The following NKAIN3 variants were observed in gnomAD, a reference collection of about 807,000 sequenced individuals.
NKAIN3 encodes sodium/potassium transporting ATPase interacting 3.
Under a neutral mutation model 30.2 loss-of-function variants are expected in NKAIN3, and 25 were observed. The ratio of observed to expected loss-of-function variants is 0.83; its 90% confidence interval spans 0.60 to 1.16. The LOEUF is 1.16. Ranked by LOEUF, NKAIN3 falls within the 50% of genes most tolerant of loss-of-function variation. NKAIN3 has a pLI of 0.00. For synonymous variants in NKAIN3, 91 were observed against 89.6 expected (o/e 1.02, Z -0.09); for missense variants, 225 against 254.1 (o/e 0.89, Z 0.78).
At chr8:62,747,502 CCA>C (rs1231564358) in intron 4 of NKAIN3, among the ~76,000 whole-genome samples, 1 of 152,160 alleles carries the variant, frequency 6.6e-6, no homozygotes, top group Non-Finnish European at 1.5e-5. Context: ...ATGGAAACAC[CCA>C]CAGCCAATGG....
intron 1 of NKAIN3, among the ~76,000 whole-genome samples, chr8:62,434,680 C>T (rs1419300443): frequency 2.0e-5 from 3 of 152,044 alleles, no homozygotes; most frequent in Non-Finnish European, 4.4e-5. Context: ...AAAGGAGATG[C>T]CACTGTATTA....
intron 1 of NKAIN3, among the ~76,000 whole-genome samples, chr8:62,527,916 TGACAGA>T (rs1471686334): frequency 1.4e-4 from 20 of 145,746 alleles, no homozygotes; most frequent in African/African-American, 5.0e-4. Context: ...TGTGTGTGTG[TGACAGA>T]GAGACAGAGA....
chr8:62,582,092 CTTCT>C (rs775887474), intron 2 of NKAIN3, among the ~76,000 whole-genome samples: 23 of 147,632 alleles, frequency 1.6e-4, no homozygotes, highest in Non-Finnish European at 2.4e-4. Flanking sequence ...TCCCTCCCTC[CTTCT>C]GTCTTTCCTT....
intron 3 of NKAIN3, among the ~76,000 whole-genome samples, chr8:62,592,613 A>G (rs1192027148): frequency 1.3e-5 from 2 of 152,066 alleles, no homozygotes; most frequent in Non-Finnish European, 2.9e-5. Context: ...GTCAATGACT[A>G]TATGAAATGT....
chr8:62,318,211 A>G (rs1427803923), intron 1 of NKAIN3, among the ~76,000 whole-genome samples: 2 of 152,188 alleles, frequency 1.3e-5, no homozygotes, highest in Admixed American at 1.3e-4. Flanking sequence ...ATATGCAATC[A>G]TGTCATCTGC....
downstream of NKAIN3, among the ~76,000 whole-genome samples, chr8:62,988,103 A>T (rs1824241014): frequency 1.3e-5 from 2 of 152,226 alleles, no homozygotes; most frequent in South Asian, 4.1e-4. Flanking sequence ...TCTCACGTCC[A>T]GGTCACAGTG....
intron 1 of NKAIN3, among the ~76,000 whole-genome samples, chr8:62,462,504 G>T (rs139630784): frequency 6.6e-6 from 1 of 152,018 alleles, no homozygotes; most frequent in East Asian, 1.9e-4. Flanking sequence ...CAGTACTCTG[G>T]GCAAAGTCCC....
At chr8:62,945,740 C>T (rs975332692) in intron 5 of NKAIN3, among the ~76,000 whole-genome samples, 3 of 152,144 alleles carry the variant, frequency 2.0e-5, no homozygotes, top group African/African-American at 7.2e-5. Context: ...CTTATTGCCG[C>T]CCTTCTCACT....
chr8:62,589,082 A>G (rs892751230), intron 2 of NKAIN3, among the ~76,000 whole-genome samples: 1 of 151,886 alleles, frequency 6.6e-6, no homozygotes, highest in African/African-American at 2.4e-5. Context: ...AGTAGGTTTA[A>G]AATTTGTTGG....
intron 4 of NKAIN3, among the ~76,000 whole-genome samples, chr8:62,760,543 A>G (rs1260176669): frequency 2.0e-5 from 3 of 150,542 alleles, no homozygotes; most frequent in South Asian, 2.1e-4. Context: ...ACCAAACACC[A>G]CATGTTCTCA....
At position 62,816,502 on chromosome 8, in the gene NKAIN3, C is replaced by T. The variant is rs915975370; in HGVS notation, c.471+69373C>T. Among the ~76,000 whole-genome samples the T allele has an allele frequency of 2.6e-5, 4 of 152,150 alleles. No individual in the cohort carries two copies. In the South Asian group the frequency reaches 8.3e-4, roughly 31 times the overall value. On this transcript the variant is annotated intron_variant, in intron 4 of 6. Coordinates refer to ENST00000623646, the MANE Select transcript of NKAIN3 (RefSeq NM_001304533.3). ...TTCTCAGGCTACTGGGAGGTATATA[C>T]ATTGGCAGTTCTACCTCTGGAGGCA...
At chr8:62,783,770 G>T (rs1436253141) in intron 4 of NKAIN3, among the ~76,000 whole-genome samples, 1 of 151,922 alleles carries the variant, frequency 6.6e-6, no homozygotes, top group Non-Finnish European at 1.5e-5. Context: ...CTCCAGCCAT[G>T]TGCCACCACA....
At chr8:62,499,329 G>A (rs1258395178) in intron 1 of NKAIN3, among the ~76,000 whole-genome samples, 2 of 151,910 alleles carry the variant, frequency 1.3e-5, no homozygotes, top group East Asian at 1.9e-4. Context: ...AACCAACTTC[G>A]CAGTACTCAT....
chr8:62,798,235 C>A lies in NKAIN3; in HGVS notation c.471+51106C>A, dbSNP rs150127642. 5.3e-3 allele frequency among the ~76,000 whole-genome samples: 808 copies of A among 152,202 alleles called. 3 individuals carry two copies. Among genetic ancestry groups the A allele is most frequent in the African/African-American group, 0.018 (747 of 41,524 alleles). ...CTATCAGATCTGTAAAGCTATGCAT[C>A]TCCTGTTGGGTTGCCGATATTTAAT... On this transcript the variant is annotated intron_variant, in intron 4 of 6. Transcript: ENST00000623646.
chr8:62,512,129 C>A (rs1317094503), intron 1 of NKAIN3, among the ~76,000 whole-genome samples: 1 of 152,056 alleles, frequency 6.6e-6, no homozygotes, highest in Admixed American at 6.6e-5. Flanking sequence ...GAAACTGAGA[C>A]AAGCCTGGTT....
chr8:62,465,455 G>A (rs1454722458), intron 1 of NKAIN3, among the ~76,000 whole-genome samples: 1 of 152,166 alleles, frequency 6.6e-6, no homozygotes, highest in African/African-American at 2.4e-5. Flanking sequence ...AATCATAAAT[G>A]CCTACTATTT....
chr8:62,757,536 C>T (rs1040213362), intron 4 of NKAIN3, among the ~76,000 whole-genome samples: 1 of 152,092 alleles, frequency 6.6e-6, no homozygotes, highest in Non-Finnish European at 1.5e-5. Context: ...AGCCGGCCGT[C>T]AAAGTGCCAT....
Position 62,316,623 on chromosome 8 carries a change from G to A in NKAIN3, c.54+67496G>A, listed in dbSNP as rs924121339. Among the ~76,000 whole-genome samples, 8 of 152,032 alleles carry A rather than the reference G, an allele frequency of 5.3e-5. No individual in the cohort carries two copies. The East Asian group carries it at 1.4e-3, about 26-fold the overall frequency. ...GGATATGAACTCATCATTTTTTATG[G>A]CTGCATAGTATTCCATGGTGTATAT... On this transcript the variant is annotated intron_variant, in intron 1 of 6. Coordinates refer to ENST00000623646, the MANE Select transcript of NKAIN3 (RefSeq NM_001304533.3).
chr8:62,353,667 T>C (rs964470993), intron 1 of NKAIN3, among the ~76,000 whole-genome samples: 1 of 152,162 alleles, frequency 6.6e-6, no homozygotes, highest in African/African-American at 2.4e-5. Context: ...TCTATTGCAG[T>C]TCCTGGCACA....
Sources: gnomAD v4.1 joint callset for allele counts (sites outside exome capture counted in the v4.1 genomes callset) on GRCh38, gnomAD v4.1.1 for gene constraint, MANE v1.5 for transcripts, NCBI Gene and HGNC (gene_info 2026-07-23, HGNC 2026-07-21) for gene names.